The following ATL1 variants were observed in gnomAD, a reference collection of about 807,000 sequenced individuals.
The protein encoded by ATL1 is atlastin-1.
Under a neutral mutation model 75.5 loss-of-function variants are expected in ATL1, and 31 were observed. The ratio of observed to expected loss-of-function variants is 0.41; its 90% confidence interval spans 0.31 to 0.55. The LOEUF is 0.55. ATL1 is among the 20% of genes least tolerant of loss of function. The pLI is 0.27. For missense variants in ATL1, 405 were observed against 662.6 expected (o/e 0.61, Z 4.27); for synonymous variants, 226 against 233.3 (o/e 0.97, Z 0.28).
chr14:50,600,295 A>C (rs1032553104), intron 6 of ATL1, among the ~76,000 whole-genome samples: 1 of 152,030 alleles, frequency 6.6e-6, no homozygotes, highest in Non-Finnish European at 1.5e-5. Context: ...ACAATGAAAA[A>C]AACTTTAAGA....
At chr14:50,576,922 A>G (rs886475747) in intron 1 of ATL1, among the ~76,000 whole-genome samples, 2 of 151,790 alleles carry the variant, frequency 1.3e-5, no homozygotes, top group Non-Finnish European at 2.9e-5. Context: ...TATAATATAT[A>G]GTTACAAATA....
chr14:50,582,590 G>GTTT (rs35684925), intron 1 of ATL1, among the ~76,000 whole-genome samples: 1 of 139,732 alleles, frequency 7.2e-6, no homozygotes, highest in Admixed American at 7.2e-5. Flanking sequence ...TTGTGTTGTT[G>GTTT]TTTTTTTTTT....
chr14:50,566,971 C>T (rs2038909908), intron 1 of ATL1, among the ~76,000 whole-genome samples: 1 of 152,028 alleles, frequency 6.6e-6, no homozygotes, highest in Non-Finnish European at 1.5e-5. Context: ...GTAAAATACA[C>T]ATAACATAAA....
At chr14:50,589,611 G>A (rs975436482) in intron 2 of ATL1, among the ~76,000 whole-genome samples, 2 of 152,114 alleles carry the variant, frequency 1.3e-5, no homozygotes, top group African/African-American at 4.8e-5. Flanking sequence ...TGGACTATGA[G>A]GAATAAGTAT....
chr14:50,537,461 T>C (rs1182751721), intron 1 of ATL1, among the ~76,000 whole-genome samples: 1 of 152,210 alleles, frequency 6.6e-6, no homozygotes, highest in Non-Finnish European at 1.5e-5. Flanking sequence ...GAGTTCCTAC[T>C]GAGGTACTGC....
intron 12 of ATL1, 106 bp downstream of exon 12, chr14:50,628,568 C>T (rs1286676916): frequency 8.4e-7 from 1 of 1,192,996 alleles, no homozygotes; most frequent in Admixed American, 2.0e-5. Flanking sequence ...AGGAATTGGG[C>T]CCCAGTCATC....
At chr14:50,629,907 TAATA>T (rs1282020789) in intron 12 of ATL1, 84 bp from the exon 13 acceptor site, 1 of 1,047,470 alleles carries the variant, frequency 9.5e-7, no homozygotes, top group Non-Finnish European at 1.4e-6. Context: ...GCTCACAAAT[TAATA>T]TTGTAAGCAA....
chr14:50,612,254 G>A (rs903141408), intron 6 of ATL1, among the ~76,000 whole-genome samples: 14 of 152,066 alleles, frequency 9.2e-5, no homozygotes, highest in African/African-American at 1.7e-4. Flanking sequence ...TTGAGCAAGG[G>A]GTCATGACTG....
chr14:50,556,310 G>A (rs1160941612), upstream of ATL1, among the ~76,000 whole-genome samples: 1 of 152,052 alleles, frequency 6.6e-6, no homozygotes, highest in African/African-American at 2.4e-5. Flanking sequence ...TGAACTCCTG[G>A]GCTCAAGGGA....
chr14:50,630,803 C>T, intron 13 of ATL1: 1 of 328,194 alleles, frequency 3.0e-6, no homozygotes, highest in Non-Finnish European at 6.0e-6. Flanking sequence ...ATTAAAAAAG[C>T]AAAAGCAAAT....
intron 6 of ATL1, among the ~76,000 whole-genome samples, chr14:50,607,871 A>G (rs1009279415): frequency 2.0e-5 from 3 of 152,096 alleles, no homozygotes; most frequent in African/African-American, 7.2e-5. Context: ...TATGTGTCAT[A>G]TTAATGCACC....
chr14:50,602,699 T>A (rs947306735), intron 6 of ATL1, among the ~76,000 whole-genome samples: 1 of 152,104 alleles, frequency 6.6e-6, no homozygotes, highest in Non-Finnish European at 1.5e-5. Context: ...GGCAGAGTCC[T>A]GAATATATTT....
chr14:50,590,379 G>A (rs1039235060), intron 2 of ATL1, among the ~76,000 whole-genome samples: 3 of 152,110 alleles, frequency 2.0e-5, no homozygotes, highest in African/African-American at 7.2e-5. Flanking sequence ...GAATCTGGCT[G>A]TCTGTCCAGC....
chr14:50,560,086 C>T, upstream of ATL1: 2 of 683,888 alleles, frequency 2.9e-6, no homozygotes, highest in Admixed American at 2.3e-5. Flanking sequence ...CTTGGTTCAT[C>T]TGCTTTCTCC....
chr14:50,570,561 T>C (rs1191641872), intron 1 of ATL1, among the ~76,000 whole-genome samples: 1 of 152,128 alleles, frequency 6.6e-6, no homozygotes, highest in Non-Finnish European at 1.5e-5. Context: ...TTTTGGTTTA[T>C]TTTTAGGTTT....
At chr14:50,560,453 A>G (rs925896166) in intron 1 of ATL1, 154 bp downstream of exon 1, 3 of 1,043,286 alleles carry the variant, frequency 2.9e-6, no homozygotes, top group African/African-American at 3.2e-5. Flanking sequence ...GTTTGGGCGG[A>G]GGAACCATGG....
intron 8 of ATL1, among the ~76,000 whole-genome samples, chr14:50,618,445 C>G (rs2039434866): frequency 6.6e-6 from 1 of 152,076 alleles, no homozygotes; most frequent in Non-Finnish European, 1.5e-5. Flanking sequence ...ACAATGCAAA[C>G]AGCAAAATAA....
rs3015454 is a variant in ATL1 at position 50,597,161 on chromosome 14, A to C, written c.630+1529A>C. On this transcript the variant is annotated intron_variant, in intron 6 of 13. Coordinates refer to ENST00000358385, the MANE Select transcript of ATL1 (RefSeq NM_015915.5). ...GGAGTGGAGGTTGCAGTGAGCCAAG[A>C]TTGCACCATTGCACTCTAGCCTGGG... Among the ~76,000 whole-genome samples, 1,238 of 146,292 alleles carry C rather than the reference A, an allele frequency of 8.5e-3. 25 individuals carry two copies. Among genetic ancestry groups the C allele is most frequent in the African/African-American group, 0.03 (1,160 of 38,572 alleles).
intron 1 of ATL1, among the ~76,000 whole-genome samples, chr14:50,546,026 A>T (rs2038626909): frequency 1.3e-5 from 2 of 152,106 alleles, no homozygotes; most frequent in African/African-American, 2.4e-5. Context: ...AATCAAACTC[A>T]CTGTTTATGG....
Sources: allele counts gnomAD v4.1 joint callset (sites outside exome capture counted in the v4.1 genomes callset), GRCh38; gene constraint gnomAD v4.1.1; transcripts MANE v1.5; gene names NCBI Gene and HGNC (gene_info 2026-07-23, HGNC 2026-07-21).